The following SRP19 variants were observed in gnomAD, a reference collection of about 807,000 sequenced individuals.
SRP19 encodes signal recognition particle 19 kDa protein.
SRP19 carries 11 observed loss-of-function variants against 22.4 expected under a neutral mutation model. That is an observed-to-expected ratio of 0.49 (90% confidence interval 0.31 to 0.81). The LOEUF (loss-of-function observed/expected upper bound fraction) is 0.81, where lower values mean the gene tolerates loss of function less well. Among genes scored for constraint, SRP19 ranks in the 40% least tolerant of loss-of-function variants. The pLI, the probability that SRP19 is intolerant of heterozygous loss-of-function variation, is 0.05. For synonymous variants in SRP19, 61 were observed against 57.6 expected (o/e 1.06, Z -0.27); for missense variants, 168 against 175.9 (o/e 0.96, Z 0.25).
At position 112,876,888 on chromosome 5, in the gene SRP19, CATT is replaced by C. The variant is rs373369019; in HGVS notation, c.301+12159_301+12161del. ...TTAAAACTAATTTTAGCCTGTAAGT[CATT>C]ATGAGCAATAGTAACTTTTGTACCT... On this transcript the variant is annotated intron_variant, in intron 4 of 4. Transcript: ENST00000391338. 611 of 152,098 alleles carry C rather than the reference CATT, an allele frequency of 4.0e-3. 2 individuals carry two copies. The highest frequency in any genetic ancestry group is 0.014 in the African/African-American group (588 of 41,496). 9.4% of individuals were successfully genotyped at this position (152,098 alleles called of 1,614,324 possible).
At chr5:112,891,764 G>C in exon 5 of SRP19, 1 of 1,614,034 alleles carries the variant, frequency 6.2e-7, no homozygotes, top group South Asian at 1.1e-5. Context: ...GAACTTGCTC[G>C]ACTGAGAGAC....
At chr5:112,887,997 T>G (rs1768313020) in intron 4 of SRP19, among the ~76,000 whole-genome samples, 1 of 152,216 alleles carries the variant, frequency 6.6e-6, no homozygotes, top group Admixed American at 6.5e-5. Flanking sequence ...CCTAGAAAGT[T>G]TAATAAACAA....
chr5:112,880,384 A>C (rs1055208016), intron 4 of SRP19, among the ~76,000 whole-genome samples: 1 of 152,202 alleles, frequency 6.6e-6, no homozygotes, highest in Non-Finnish European at 1.5e-5. Context: ...GTTGTCTAGA[A>C]GCCTCCAGGG....
chr5:112,870,064 TA>T (rs1379837524), downstream of SRP19, among the ~76,000 whole-genome samples: 1 of 152,174 alleles, frequency 6.6e-6, no homozygotes, highest in Non-Finnish European at 1.5e-5. Flanking sequence ...TCTCTCAAAA[TA>T]TTGTGCTATA....
downstream of SRP19, chr5:112,895,625 G>T (rs987589234): frequency 1.3e-5 from 2 of 152,106 alleles, no homozygotes; most frequent in Admixed American, 1.3e-4. Context: ...CTGCTCTCTA[G>T]CTACATCCTT....
rs755658566 is a variant in SRP19 at position 112,892,543 on chromosome 5, C to T, written c.*936C>T. ...CGGACGATGGTATGCAGGACGACAG[C>T]TGCAATGTGAATTCTGCCCAGTGAC... is the stretch of plus-strand genomic sequence containing the variant. On this transcript the variant is annotated 3_prime_UTR_variant, in exon 5 of 5. Transcript: ENST00000391338. The T allele has an allele frequency of 8.7e-6, 14 of 1,614,210 alleles. No homozygotes were observed. In the East Asian group the frequency reaches 1.6e-4, roughly 18 times the overall value.
exon 5 of SRP19, chr5:112,892,053 GGA>G: frequency 6.5e-7 from 1 of 1,527,526 alleles, no homozygotes; most frequent in Non-Finnish European, 9.1e-7. Flanking sequence ...AAGAAAAAGA[GGA>G]AGCTGTGCAG....
chr5:112,891,981 A>G, exon 5 of SRP19: 1 of 1,243,098 alleles, frequency 8.0e-7, no homozygotes, highest in East Asian at 2.3e-5. Context: ...AGTTAAAGGA[A>G]CAATGGAAAG....
At chr5:112,887,098 A>G (rs922866559) in intron 4 of SRP19, 2 of 1,613,730 alleles carry the variant, frequency 1.2e-6, no homozygotes, top group Middle Eastern at 1.7e-4. Context: ...CTCGTGCTTC[A>G]GGAAGAAAGG....
chr5:112,895,480 A>G (rs899066958), downstream of SRP19: 1 of 112,936 alleles, frequency 8.9e-6, no homozygotes, highest in Non-Finnish European at 1.7e-5. Context: ...CAAGCTTATT[A>G]TCTTTTCTGG....
intron 1 of SRP19, 61 bp from the exon 2 acceptor site, chr5:112,862,447 G>A: frequency 6.7e-7 from 1 of 1,489,580 alleles, no homozygotes. Flanking sequence ...CCTGCCACCC[G>A]ACCCTTTTCT....
Position 112,861,359 on chromosome 5 carries a change from G to T in SRP19, c.-18G>T. 6.2e-7 allele frequency: 1 copy of T among 1,614,206 alleles called. No individual in the cohort carries two copies. Among genetic ancestry groups the T allele is most frequent in the Non-Finnish European group, 8.5e-7 (1 of 1,180,036 alleles). ...GGTTTCTCCCTGCGGCTCCTGGGTT[G>T]TTGAGACTCTTGTGAAGATGGCTTG... On this transcript the variant is annotated 5_prime_UTR_variant, in exon 1 of 5. Coordinates refer to ENST00000505459, the MANE Select transcript of SRP19 (RefSeq NM_003135.3).
At chr5:112,897,133 T>C (rs542603325), downstream of SRP19, 5 of 152,172 alleles carry the variant, frequency 3.3e-5, no homozygotes, top group African/African-American at 1.2e-4. Flanking sequence ...ACTGTGTTAA[T>C]TGAAAAAAGC....
rs925206854 is a variant in SRP19 at position 112,878,703 on chromosome 5, A to G, written c.302-12900A>G. On this transcript the variant is annotated intron_variant, in intron 4 of 4. Transcript: ENST00000391338. Reference sequence around the variant, plus strand: ...ATGTTTCCAAGGCAACATTATTAAAATAATTATACCACAGTCCCTAATATA... The same window carrying G: ...ATGTTTCCAAGGCAACATTATTAAAGTAATTATACCACAGTCCCTAATATA... 6 of 1,545,638 alleles carry G rather than the reference A, an allele frequency of 3.9e-6. No individual in the cohort carries two copies. The African/African-American group carries it at 7.0e-5, about 18-fold the overall frequency.
At chr5:112,876,342 G>A (rs1003053028) in intron 4 of SRP19, 9 of 152,062 alleles carry the variant, frequency 5.9e-5, no homozygotes, top group Non-Finnish European at 1.0e-4. Flanking sequence ...AAATAATTCT[G>A]GGTTAGGAAA....
In SRP19 at chr5:112,868,284, GA is replaced by G. The variant is rs1767673358; in HGVS notation, c.*750del. 6.1e-6 allele frequency: 6 copies of G among 985,400 alleles called. No homozygotes were observed. The South Asian group carries it at 2.8e-4, about 46-fold the overall frequency. 61.0% of individuals were successfully genotyped at this position (985,400 alleles called of 1,614,324 possible). A position where few individuals can be genotyped will look rare whatever the true frequency, so the allele number is the denominator to read the frequency against. Reference sequence around the variant, plus strand: ...GCTCCAGAATTTCAGAGCGGTTTCTGAAAGTAGTGATTTTGAGCTATCCCAA... The same window carrying G: ...GCTCCAGAATTTCAGAGCGGTTTCTGAAGTAGTGATTTTGAGCTATCCCAA... On this transcript the variant is annotated 3_prime_UTR_variant, in exon 5 of 5. Transcript: ENST00000505459.
chr5:112,868,306 C>G lies in SRP19; in HGVS notation c.*769C>G. Reference sequence around the variant, plus strand: ...TCTGAAAGTAGTGATTTTGAGCTATCCCAATTCCTGTTCTTCCTGAGGCCT... The same window carrying G: ...TCTGAAAGTAGTGATTTTGAGCTATGCCAATTCCTGTTCTTCCTGAGGCCT... On this transcript the variant is annotated 3_prime_UTR_variant, in exon 5 of 5. Coordinates refer to ENST00000505459, the MANE Select transcript of SRP19 (RefSeq NM_003135.3). 1.0e-6 allele frequency: 1 copy of G among 985,810 alleles called. No individual in the cohort carries two copies. The highest frequency in any genetic ancestry group is 1.2e-6 in the Non-Finnish European group (1 of 830,208). The allele number at this position is 985,810 out of a possible 1,614,324, so 61.1% of individuals were successfully genotyped here.
chr5:112,892,438 T>G, exon 5 of SRP19: 1 of 1,614,064 alleles, frequency 6.2e-7, no homozygotes, highest in Non-Finnish European at 8.5e-7. Flanking sequence ...CAGCTGCAAT[T>G]TGGAACCTCA....
chr5:112,869,235 A>G lies in SRP19; in HGVS notation c.*1698A>G, dbSNP rs1389642663. ...TCCATGACATATTTCTAACACCTTTATGATTATTGTTCCTGCTTGTAAAAG... is the reference window on the plus strand; with the variant it reads ...TCCATGACATATTTCTAACACCTTTGTGATTATTGTTCCTGCTTGTAAAAG... On this transcript the variant is annotated 3_prime_UTR_variant, in exon 5 of 5. Transcript: ENST00000505459. 2 of 152,128 alleles carry G rather than the reference A, an allele frequency of 1.3e-5. No individual in the cohort carries two copies. The highest frequency in any genetic ancestry group is 1.5e-5 in the Non-Finnish European group (1 of 68,036). 9.4% of individuals were successfully genotyped at this position (152,128 alleles called of 1,614,324 possible). A position where few individuals can be genotyped will look rare whatever the true frequency, so the allele number is the denominator to read the frequency against.
Sources: gnomAD v4.1 joint callset for allele counts (sites outside exome capture counted in the v4.1 genomes callset) on GRCh38, gnomAD v4.1.1 for gene constraint, MANE v1.5 for transcripts, NCBI Gene and HGNC (gene_info 2026-07-23, HGNC 2026-07-21) for gene names.